KLKB1: variants seen among roughly 807,000 people sequenced by gnomAD.
The protein encoded by KLKB1 is plasma kallikrein.
In KLKB1, 58 loss-of-function variants were observed where a neutral mutation model predicts 73.6. The ratio of observed to expected loss-of-function variants is 0.79; its 90% CI spans 0.64 to 0.98. The LOEUF is 0.98. Ranked by LOEUF, KLKB1 falls within the 50% of genes least tolerant of loss-of-function variation. KLKB1 has a pLI of 0.00. For synonymous variants in KLKB1, 280 were observed against 258.1 expected (o/e 1.08, Z -0.81); for missense variants, 737 against 763.8 (o/e 0.96, Z 0.41).
At chr4:186,216,842 G>C (rs1345869965) in intron 2 of KLKB1, among the ~76,000 whole-genome samples, 1 of 152,160 alleles carries the variant, frequency 6.6e-6, no homozygotes, top group Non-Finnish European at 1.5e-5. Context: ...TGACCGCAGA[G>C]GAAAACTCTG....
chr4:186,239,530 T>TGTTATA (rs1171553443), intron 6 of KLKB1, among the ~76,000 whole-genome samples: 23 of 138,884 alleles, frequency 1.7e-4, no homozygotes, highest in African/African-American at 5.3e-4. Flanking sequence ...ACAGTGATAC[T>TGTTATA]GTTATAGGAA....
chr4:186,234,668 T>C (rs1265771764), intron 4 of KLKB1, among the ~76,000 whole-genome samples: 1 of 152,122 alleles, frequency 6.6e-6, no homozygotes, highest in African/African-American at 2.4e-5. Flanking sequence ...AAGAACTGAG[T>C]TCTGCAAATC....
chr4:186,256,767 A>C (rs927614432), intron 13 of KLKB1, among the ~76,000 whole-genome samples: 1 of 152,214 alleles, frequency 6.6e-6, no homozygotes, highest in African/African-American at 2.4e-5. Flanking sequence ...TTTTGAATAT[A>C]TAAAGCAAAA....
upstream of KLKB1, among the ~76,000 whole-genome samples, chr4:186,224,509 C>T (rs1737107731): frequency 6.6e-6 from 1 of 152,206 alleles, no homozygotes; most frequent in African/African-American, 2.4e-5. Flanking sequence ...TATTTTGGAG[C>T]TTTAAAATTT....
upstream of KLKB1, among the ~76,000 whole-genome samples, chr4:186,223,384 A>G (rs1007837483): frequency 2.0e-5 from 3 of 152,234 alleles, no homozygotes; most frequent in Non-Finnish European, 2.9e-5. Context: ...GAAACTTCCT[A>G]GAGACTTGTT....
intron 11 of KLKB1, 35 bp from the exon 12 acceptor site, chr4:186,254,553 C>T: frequency 1.3e-6 from 2 of 1,565,734 alleles, no homozygotes; most frequent in East Asian, 2.2e-5. Flanking sequence ...GAAGGACTGC[C>T]CAGTTTCAAA....
At chr4:186,235,290 C>G (rs1737601215) in intron 4 of KLKB1, among the ~76,000 whole-genome samples, 1 of 151,990 alleles carries the variant, frequency 6.6e-6, no homozygotes, top group African/African-American at 2.4e-5. Flanking sequence ...CTCAATATTC[C>G]TGTTATTGTT....
chr4:186,217,348 A>G (rs766952902), intron 2 of KLKB1, among the ~76,000 whole-genome samples: 3 of 152,146 alleles, frequency 2.0e-5, no homozygotes, highest in Non-Finnish European at 2.9e-5. Flanking sequence ...GAAATCTAAA[A>G]TATAAACTCT....
intron 6 of KLKB1, among the ~76,000 whole-genome samples, chr4:186,248,342 TC>T (rs747901799): frequency 2.0e-5 from 3 of 151,968 alleles, no homozygotes; most frequent in Non-Finnish European, 4.4e-5. Flanking sequence ...ACTCCTCCAA[TC>T]CCCTGGCAAC....
At position 186,252,131 on chromosome 4, in the gene KLKB1, G is replaced by A. The variant is rs186254196; in HGVS notation, c.1259G>A (p.Gly420Glu). 24 of 1,614,000 alleles carry A rather than the reference G, an allele frequency of 1.5e-5. No homozygotes were observed. The East Asian group carries it at 4.5e-4, about 30-fold the overall frequency. The stretch of plus-strand genomic sequence containing the variant: ...CTGACAGCTCAGAGGCACCTGTGTG[G>A]AGGGTCACTCATAGGACACCAGTGG... ...VKLTAQRHLC[G>E]GSLIGHQWVL... Residue 420 changes from glycine (G) to glutamate (E), a missense_variant, in exon 11 of 15, where the codon GGA becomes GAA. Physicochemically the swap from Gly to Glu is moderately conservative, Grantham distance 98. Coordinates refer to ENST00000264690, the MANE Select transcript of KLKB1 (RefSeq NM_000892.5).
In KLKB1 at chr4:186,235,756, T is replaced by A. The variant is rs199956908; in HGVS notation, c.329-1025T>A. Among the ~76,000 whole-genome samples the A allele has an allele frequency of 8.5e-5, 13 of 152,228 alleles. No individual in the cohort carries two copies. In the East Asian group the frequency reaches 2.5e-3, roughly 29 times the overall value. On this transcript the variant is annotated intron_variant, in intron 4 of 14. Coordinates refer to ENST00000264690, the MANE Select transcript of KLKB1 (RefSeq NM_000892.5). ...TGGGGAATAAAACTTTAAAAAAGTATACAGTTTATACTTCTGGTTACATTA... is the reference window on the plus strand; with the variant it reads ...TGGGGAATAAAACTTTAAAAAAGTAAACAGTTTATACTTCTGGTTACATTA...
At position 186,239,906 on chromosome 4, in the gene KLKB1, A is replaced by G. The variant is rs533281219; in HGVS notation, c.598+1541A>G. Among the ~76,000 whole-genome samples the G allele has an allele frequency of 3.5e-5, 5 of 141,914 alleles. No homozygotes were observed. In the South Asian group the frequency reaches 8.6e-4, roughly 24 times the overall value. The allele number at this position is 141,914 out of a possible 152,430, so 93.1% of individuals were successfully genotyped here. A position where few individuals can be genotyped will look rare whatever the true frequency, so the allele number is the denominator to read the frequency against. On this transcript the variant is annotated intron_variant, in intron 6 of 14. Transcript: ENST00000264690. ...AGGAAACTAGTACGGTGATACTGTTATAGTTATAGGTACAGTGATATTGTT... is the reference window on the plus strand; with the variant it reads ...AGGAAACTAGTACGGTGATACTGTTGTAGTTATAGGTACAGTGATATTGTT...
At chr4:186,240,379 T>G (rs938026792) in intron 6 of KLKB1, among the ~76,000 whole-genome samples, 1 of 152,122 alleles carries the variant, frequency 6.6e-6, no homozygotes, top group Non-Finnish European at 1.5e-5. Context: ...GATATTGTTA[T>G]AGTTATAGGT....
chr4:186,240,616 G>A (rs1737982439), intron 6 of KLKB1, among the ~76,000 whole-genome samples: 1 of 152,192 alleles, frequency 6.6e-6, no homozygotes, highest in Non-Finnish European at 1.5e-5. Flanking sequence ...GTTTTCCGCA[G>A]TACTGGGTGC....
At chr4:186,215,710 A>C (rs1227904649) in intron 2 of KLKB1, among the ~76,000 whole-genome samples, 2 of 152,110 alleles carry the variant, frequency 1.3e-5, no homozygotes, top group African/African-American at 4.8e-5. Flanking sequence ...AGTAGCTAGG[A>C]CTACAGGTGC....
rs114755847 is a variant in KLKB1 at position 186,215,133 on chromosome 4, C to T, written c.201+5861C>T. On this transcript the variant is annotated intron_variant, in intron 2 of 14. Transcript: ENST00000511608. ...GTCATACAGACATTATAGATCTTAT[C>T]GGGAAGAAAAATTATCACAATATTT... Among the ~76,000 whole-genome samples, 311 of 151,752 alleles carry T rather than the reference C, an allele frequency of 2.0e-3. 3 individuals carry two copies. Among genetic ancestry groups the T allele is most frequent in the African/African-American group, 7.3e-3 (302 of 41,364 alleles).
chr4:186,257,325 T>C lies in KLKB1; in HGVS notation c.1685T>C (p.Val562Ala). The C allele has an allele frequency of 6.2e-7, 1 of 1,605,044 alleles. No homozygotes were observed. Among genetic ancestry groups the C allele is most frequent in the Non-Finnish European group, 8.5e-7 (1 of 1,175,012 alleles). ...GATTATAAAATAACCCAACGGATGG[T>C]CTGTGCTGGCTATAAAGAAGGGGGA... is the stretch of plus-strand genomic sequence containing the variant. ...YQDYKITQRM[V>A]CAGYKEGGKD... Residue 562 changes from valine (V) to alanine (A), a missense_variant, in exon 14 of 15, where the codon GTC (valine) becomes GCC (alanine). Physicochemically the swap from Val to Ala is moderately conservative, Grantham distance 64. Transcript: ENST00000264690.
chr4:186,257,732 TAAGA>T (rs1739078058), intron 14 of KLKB1, among the ~76,000 whole-genome samples: 1 of 143,124 alleles, frequency 7.0e-6, no homozygotes, highest in South Asian at 2.4e-4. Context: ...TGGAGAACTT[TAAGA>T]AAGAGTGAGT....
intron 11 of KLKB1, among the ~76,000 whole-genome samples, chr4:186,254,313 CA>C (rs1330361223): frequency 6.6e-6 from 1 of 152,172 alleles, no homozygotes; most frequent in Non-Finnish European, 1.5e-5. Context: ...CAGTGTCTCT[CA>C]AAAATGGGAC....
Sources: gnomAD v4.1 joint callset for allele counts (sites outside exome capture counted in the v4.1 genomes callset) on GRCh38, gnomAD v4.1.1 for gene constraint, MANE v1.5 for transcripts, NCBI Gene and HGNC (gene_info 2026-07-23, HGNC 2026-07-21) for gene names.